The following PLA2G6 variants were observed in gnomAD, a reference collection of about 807,000 sequenced individuals.
The protein encoded by PLA2G6 is phospholipase A2 group VI, also known as 85/88 kDa calcium-independent phospholipase A2.
PLA2G6 carries 62 observed loss-of-function variants against 83.8 expected under a neutral mutation model. The observed-to-expected ratio is 0.74, with a 90% confidence interval of 0.60 to 0.91. The LOEUF is 0.91. Among genes scored for constraint, PLA2G6 ranks in the 40% least tolerant of loss-of-function variants. The probability of loss-of-function intolerance (pLI) is 0.00; values close to 1 mark genes in which losing one functional copy is unlikely to be tolerated. For synonymous variants in PLA2G6, 417 were observed against 449.8 expected, an observed-to-expected ratio of 0.93 and a Z score of 0.92; for missense variants, 944 against 1,102.0, an observed-to-expected ratio of 0.86 and a Z score of 2.03.
intron 2 of PLA2G6, among the ~76,000 whole-genome samples, chr22:38,160,502 A>G (rs1007937139): frequency 6.6e-6 from 1 of 152,240 alleles, no homozygotes; most frequent in Non-Finnish European, 1.5e-5. Flanking sequence ...AGCTGCACAC[A>G]AAACGTATCA....
At chr22:38,177,848 C>T (rs995506626) in intron 1 of PLA2G6, among the ~76,000 whole-genome samples, 2 of 152,170 alleles carry the variant, frequency 1.3e-5, no homozygotes, top group African/African-American at 4.8e-5. Context: ...GCACAGGTTA[C>T]ACAGTTTGCC....
At chr22:38,124,291 C>T (rs2087703813) in intron 10 of PLA2G6, among the ~76,000 whole-genome samples, 1 of 152,300 alleles carries the variant, frequency 6.6e-6, no homozygotes, top group Middle Eastern at 3.4e-3. Flanking sequence ...ACTGCGCCTA[C>T]TCTCTGTGCA....
intron 2 of PLA2G6, among the ~76,000 whole-genome samples, chr22:38,153,379 C>T (rs566441574): frequency 1.8e-4 from 28 of 152,326 alleles, no homozygotes; most frequent in African/African-American, 6.0e-4. Context: ...CTCTCCTGGC[C>T]GCCGTGCAAC....
chr22:38,125,346 G>A (rs1053998484), intron 10 of PLA2G6, among the ~76,000 whole-genome samples: 5 of 152,172 alleles, frequency 3.3e-5, no homozygotes, highest in Non-Finnish European at 5.9e-5. Flanking sequence ...GCGTGTGCCC[G>A]CGTGCAAGAG....
intron 2 of PLA2G6, among the ~76,000 whole-genome samples, 183 bp downstream of exon 2, chr22:38,169,035 A>G (rs918011658): frequency 6.6e-6 from 1 of 152,162 alleles, no homozygotes; most frequent in African/African-American, 2.4e-5. Flanking sequence ...CTGATGGGCC[A>G]GAAGTGTGGA....
intron 2 of PLA2G6, among the ~76,000 whole-genome samples, chr22:38,160,957 T>G (rs750897456): frequency 7.2e-5 from 11 of 151,938 alleles, no homozygotes; most frequent in Admixed American, 1.3e-4. Flanking sequence ...TAGATTCGAG[T>G]GGTGGTTACA....
chr22:38,114,151 T>C lies in PLA2G6; in HGVS notation c.2035-497A>G, dbSNP rs12162857. The stretch of plus-strand genomic sequence containing the variant: ...GGCCACGTGGTAGGGAAGTAGGGGC[T>C]AAGGCTTGAACCTGAGCCCTGGGTG... On this transcript the variant is annotated intron_variant, in intron 14 of 16. Coordinates refer to ENST00000332509, the MANE Select transcript of PLA2G6 (RefSeq NM_003560.4). Among the ~76,000 whole-genome samples the C allele has an allele frequency of 7.4e-3, 1,123 of 151,082 alleles. 91 individuals carry two copies. The East Asian group carries it at 0.17, about 23-fold the overall frequency.
intron 2 of PLA2G6, among the ~76,000 whole-genome samples, chr22:38,165,744 G>A (rs934924724): frequency 2.0e-5 from 3 of 152,140 alleles, no homozygotes; most frequent in African/African-American, 7.2e-5. Context: ...ACTGGGCGTG[G>A]TGGCGGGCGC....
In PLA2G6 at chr22:38,154,121, C is replaced by A. The variant is rs117885768; in HGVS notation, c.210-8468G>T. ...GATTACTAAGGTTTCTGACTGCAGG[C>A]CCTGCCTCCCAGATGGCATCTAAGG... is the stretch of plus-strand genomic sequence containing the variant. On this transcript the variant is annotated intron_variant, in intron 2 of 16. Transcript: ENST00000332509. Among the ~76,000 whole-genome samples, 48 of 152,368 alleles carry A rather than the reference C, an allele frequency of 3.2e-4. 1 individual carries two copies. In the East Asian group the frequency reaches 8.9e-3, roughly 28 times the overall value.
chr22:38,140,046 G>C lies in PLA2G6; in HGVS notation c.733C>G (p.Arg245Gly), dbSNP rs141685950. The change falls in exon 5 of 17, where the codon CGG (arginine) becomes GGG (glycine). Residue 245 changes from arginine (R) to glycine (G), a missense_variant. Arg to Gly is a moderately radical substitution (Grantham distance 125). Transcript: ENST00000332509. ...CCGTTGGGGCCCATGATGTTGCACC[G>C]AGCATTGCACAGCAGCAGCACGCGG... ...MVRVLLLCNA[R>G]CNIMGPNGYP... 1.2e-6 allele frequency: 2 copies of C among 1,613,334 alleles called. No individual in the cohort carries two copies. The highest frequency in any genetic ancestry group is 1.7e-4 in the Middle Eastern group (1 of 6,060).
chr22:38,177,057 A>T (rs1207979577), intron 1 of PLA2G6, among the ~76,000 whole-genome samples: 1 of 151,152 alleles, frequency 6.6e-6, no homozygotes, highest in Non-Finnish European at 1.5e-5. Flanking sequence ...AAAAAAAAAA[A>T]GAAACAAGGA....
At chr22:38,165,252 C>T (rs1043705629) in intron 2 of PLA2G6, among the ~76,000 whole-genome samples, 3 of 152,188 alleles carry the variant, frequency 2.0e-5, no homozygotes, top group South Asian at 2.1e-4. Flanking sequence ...ACCTGATCTA[C>T]GCCAGGCACC....
intron 12 of PLA2G6, among the ~76,000 whole-genome samples, 184 bp downstream of exon 12, chr22:38,120,575 G>A (rs1278379148): frequency 2.0e-5 from 3 of 152,192 alleles, no homozygotes; most frequent in Admixed American, 6.5e-5. Context: ...CTCAGCAGGT[G>A]TCTGCATGCC....
chr22:38,179,725 A>T (rs1049792530), intron 1 of PLA2G6, among the ~76,000 whole-genome samples: 4 of 152,192 alleles, frequency 2.6e-5, no homozygotes, highest in African/African-American at 9.7e-5. Context: ...GTGAGCCGAG[A>T]TCGTGCCATT....
At chr22:38,180,914 A>C (rs1006691994) in intron 1 of PLA2G6, among the ~76,000 whole-genome samples, 2 of 152,208 alleles carry the variant, frequency 1.3e-5, no homozygotes, top group African/African-American at 4.8e-5. Context: ...GTGCAGCCTC[A>C]ACGTTGCCAA....
rs552662582 is a variant in PLA2G6 at position 38,166,740 on chromosome 22, A to C, written c.209+2478T>G. Among the ~76,000 whole-genome samples the C allele has an allele frequency of 5.9e-5, 9 of 152,218 alleles. No homozygotes were observed. The South Asian group carries it at 8.3e-4, about 14-fold the overall frequency. On this transcript the variant is annotated intron_variant, in intron 2 of 16. Coordinates refer to ENST00000332509, the MANE Select transcript of PLA2G6 (RefSeq NM_003560.4). ...CAAGACTTAACGTCTCAAAAAAATA[A>C]ATACATACATACATACATGGAAACA...
In PLA2G6 at chr22:38,169,441, G is replaced by A. The variant is rs758224555; in HGVS notation, c.-15C>T. ...AAGAACTGCATCTTCTGCGGGGCAGGTGGGGAGGCCCCACCGTCTTCCCCC... is the reference window on the plus strand; with the variant it reads ...AAGAACTGCATCTTCTGCGGGGCAGATGGGGAGGCCCCACCGTCTTCCCCC... On this transcript the variant is annotated 5_prime_UTR_variant, in exon 2 of 17. Transcript: ENST00000332509. 52 of 1,611,084 alleles carry A rather than the reference G, an allele frequency of 3.2e-5. No homozygotes were observed. Among genetic ancestry groups the A allele is most frequent in the Non-Finnish European group, 4.2e-5 (50 of 1,177,782 alleles).
intron 2 of PLA2G6, chr22:38,147,177 T>C (rs150945919): frequency 1.3e-5 from 2 of 152,304 alleles, no homozygotes; most frequent in Non-Finnish European, 1.5e-5. Context: ...TGAGCCCCAT[T>C]TGAAACATGA....
chr22:38,125,170 A>G (rs1471347240), intron 10 of PLA2G6, among the ~76,000 whole-genome samples: 6 of 151,944 alleles, frequency 3.9e-5, no homozygotes, highest in East Asian at 1.9e-4. Flanking sequence ...ATGTGCATGC[A>G]TGCATGTGTA....
Sources: allele counts gnomAD v4.1 joint callset (sites outside exome capture counted in the v4.1 genomes callset), GRCh38; gene constraint gnomAD v4.1.1; transcripts MANE v1.5; gene names NCBI Gene and HGNC (gene_info 2026-07-23, HGNC 2026-07-21).